The following TMCC1 variants were observed in gnomAD, a reference collection of about 807,000 sequenced individuals.
The protein encoded by TMCC1 is transmembrane and coiled-coil domain family 1.
TMCC1 carries 15 observed loss-of-function variants against 52.4 expected under a neutral mutation model. The observed-to-expected ratio is 0.29, with a 90% CI of 0.19 to 0.44. The LOEUF is 0.44. Ranked by LOEUF, TMCC1 falls within the 20% of genes least tolerant of loss-of-function variation. TMCC1 has a pLI of 1.00. For missense variants in TMCC1, 503 were observed against 806.0 expected, an observed-to-expected ratio of 0.62 and a Z score of 4.55; for synonymous variants, 279 against 301.9, an observed-to-expected ratio of 0.92 and a Z score of 0.79.
At chr3:129,878,021 C>A (rs571228371) in intron 2 of TMCC1, among the ~76,000 whole-genome samples, 222 of 151,508 alleles carry the variant, frequency 1.5e-3, no homozygotes, top group Non-Finnish European at 2.4e-3. Context: ...TATAATGGCG[C>A]AATCTCGGCT....
rs1487959416 is a variant in TMCC1 at position 129,893,710 on chromosome 3, A to AGAGC, written c.-652_-651insGCTC. On this transcript the variant is annotated 5_prime_UTR_variant, in exon 1 of 7. Transcript: ENST00000393238. Reference sequence around the variant, plus strand: ...GCGCGGGAGGGCGAACCGGCGCGAGAGAGCGAGCGCGCGCGCGCCCCCGCC... The same window carrying AGAGC: ...GCGCGGGAGGGCGAACCGGCGCGAGAGAGCGAGCGAGCGCGCGCGCGCCCCCGCC... 1 of 148,204 alleles carries AGAGC rather than the reference A, an allele frequency of 6.7e-6. No individual in the cohort carries two copies. The highest frequency in any genetic ancestry group is 2.0e-4 in the East Asian group (1 of 5,044). The allele number at this position is 148,204 out of a possible 1,614,324, so 9.2% of individuals were successfully genotyped here. A position where few individuals can be genotyped will look rare whatever the true frequency, so the allele number is the denominator to read the frequency against.
chr3:129,702,877 G>A (rs2047942536), intron 4 of TMCC1, among the ~76,000 whole-genome samples: 1 of 152,120 alleles, frequency 6.6e-6, no homozygotes, highest in Non-Finnish European at 1.5e-5. Context: ...TTAGCTGGGC[G>A]TGATAGCGTG....
chr3:129,773,362 T>C (rs563128672), intron 4 of TMCC1, among the ~76,000 whole-genome samples: 1 of 152,268 alleles, frequency 6.6e-6, no homozygotes, highest in East Asian at 1.9e-4. Context: ...TATTTACACA[T>C]TTGTTTGTAC....
intron 4 of TMCC1, among the ~76,000 whole-genome samples, chr3:129,822,529 A>G (rs1003041747): frequency 6.6e-6 from 1 of 152,198 alleles, no homozygotes; most frequent in Non-Finnish European, 1.5e-5. Flanking sequence ...CCTTCAAACA[A>G]GCTGATCTAG....
At chr3:129,676,932 A>C (rs2088503178) in intron 4 of TMCC1, among the ~76,000 whole-genome samples, 1 of 152,178 alleles carries the variant, frequency 6.6e-6, no homozygotes, top group Admixed American at 6.5e-5. Context: ...CTGTACGTTC[A>C]TTAATCAAAA....
intron 1 of TMCC1, among the ~76,000 whole-genome samples, chr3:129,886,385 A>T (rs1022177796): frequency 1.3e-5 from 2 of 152,222 alleles, no homozygotes; most frequent in African/African-American, 4.8e-5. Flanking sequence ...TAATAAACTT[A>T]TCAAAAGAAA....
chr3:129,867,047 C>T (rs1577147336), intron 2 of TMCC1: 1 of 151,882 alleles, frequency 6.6e-6, no homozygotes, highest in African/African-American at 2.4e-5. Flanking sequence ...CATCATGATC[C>T]TTCCAACTGT....
intron 2 of TMCC1, among the ~76,000 whole-genome samples, chr3:129,873,122 A>G (rs989534943): frequency 6.6e-6 from 1 of 152,096 alleles, no homozygotes; most frequent in Non-Finnish European, 1.5e-5. Context: ...GCTGGTCTCA[A>G]ACTCCTGATC....
intron 4 of TMCC1, among the ~76,000 whole-genome samples, chr3:129,789,816 G>A (rs2056330251): frequency 6.6e-6 from 1 of 152,106 alleles, no homozygotes; most frequent in East Asian, 1.9e-4. Context: ...ATAACAAACT[G>A]ATACCAAGTG....
chr3:129,816,074 A>G (rs1161507201), intron 4 of TMCC1, among the ~76,000 whole-genome samples: 2 of 152,198 alleles, frequency 1.3e-5, no homozygotes, highest in East Asian at 3.8e-4. Flanking sequence ...CTTTTATCAA[A>G]AAGACAGGGA....
intron 2 of TMCC1, among the ~76,000 whole-genome samples, chr3:129,873,057 C>T (rs980624502): frequency 1.3e-5 from 2 of 151,862 alleles, no homozygotes; most frequent in African/African-American, 2.4e-5. Flanking sequence ...CCCCCCACCA[C>T]GCTTGGCTAG....
chr3:129,815,636 T>C (rs2058060491), intron 4 of TMCC1, among the ~76,000 whole-genome samples: 1 of 152,164 alleles, frequency 6.6e-6, no homozygotes, highest in Non-Finnish European at 1.5e-5. Flanking sequence ...CTGGAAACTA[T>C]GAAACTACTA....
chr3:129,691,153 C>G (rs1183532867), intron 4 of TMCC1, among the ~76,000 whole-genome samples: 1 of 152,228 alleles, frequency 6.6e-6, no homozygotes, highest in Non-Finnish European at 1.5e-5. Flanking sequence ...GAGGTCTCTA[C>G]AGAAGAGTGA....
intron 5 of TMCC1, among the ~76,000 whole-genome samples, chr3:129,659,048 T>C (rs1198030518): frequency 6.6e-6 from 1 of 151,826 alleles, no homozygotes; most frequent in Non-Finnish European, 1.5e-5. Flanking sequence ...ACACCTAGAG[T>C]TTGATTCTTT....
At chr3:129,737,801 C>T (rs1560301179) in intron 4 of TMCC1, among the ~76,000 whole-genome samples, 1 of 152,098 alleles carries the variant, frequency 6.6e-6, no homozygotes, top group African/African-American at 2.4e-5. Context: ...ACTAAATTTA[C>T]CATAATTTCT....
At chr3:129,774,325 T>G (rs1382375772) in intron 4 of TMCC1, among the ~76,000 whole-genome samples, 2 of 152,204 alleles carry the variant, frequency 1.3e-5, no homozygotes, top group Non-Finnish European at 2.9e-5. Flanking sequence ...TGTTTAATAT[T>G]CTTTCTAGAA....
chr3:129,854,745 T>C (rs2060076355), intron 2 of TMCC1, among the ~76,000 whole-genome samples: 2 of 152,234 alleles, frequency 1.3e-5, no homozygotes, highest in Admixed American at 6.5e-5. Context: ...ACAAGTATCA[T>C]TTCTTGAGGA....
chr3:129,721,713 A>G (rs965150646), intron 4 of TMCC1, among the ~76,000 whole-genome samples: 1 of 151,098 alleles, frequency 6.6e-6, no homozygotes, highest in African/African-American at 2.4e-5. Context: ...ACAAAAAAAA[A>G]AAAAAAAAAA....
intron 4 of TMCC1, among the ~76,000 whole-genome samples, chr3:129,694,689 T>G (rs2047269166): frequency 6.6e-6 from 1 of 152,196 alleles, no homozygotes; most frequent in Non-Finnish European, 1.5e-5. Flanking sequence ...GCCAAGGCAA[T>G]GTCAGGAAGT....
Sources: gnomAD v4.1 joint callset for allele counts (sites outside exome capture counted in the v4.1 genomes callset) on GRCh38, gnomAD v4.1.1 for gene constraint, MANE v1.5 for transcripts, NCBI Gene and HGNC (gene_info 2026-07-23, HGNC 2026-07-21) for gene names.